Variants in OSBPL10 observed in about 807,000 individuals in gnomAD.
The protein encoded by OSBPL10 is oxysterol binding protein like 10, also known as oxysterol-binding protein-related protein 10.
Under a neutral mutation model 81.7 loss-of-function variants are expected in OSBPL10, and 49 were observed. The ratio of observed to expected loss-of-function variants is 0.60; its 90% confidence interval spans 0.48 to 0.76. OSBPL10 has a LOEUF of 0.76. OSBPL10 is among the 30% of genes least tolerant of loss of function. The pLI, the probability that OSBPL10 is intolerant of heterozygous loss-of-function variation, is 0.00. For missense variants in OSBPL10, 923 were observed against 987.8 expected, an observed-to-expected ratio of 0.93 and a Z score of 0.88; for synonymous variants, 419 against 383.6, an observed-to-expected ratio of 1.09 and a Z score of -1.08.
intron 6 of OSBPL10, among the ~76,000 whole-genome samples, chr3:31,705,649 A>G (rs926684357): frequency 2.6e-5 from 4 of 152,164 alleles, no homozygotes; most frequent in African/African-American, 9.7e-5. Flanking sequence ...AGAGATGGAT[A>G]ATTATCATCC....
intron 1 of OSBPL10, among the ~76,000 whole-genome samples, chr3:31,903,473 C>CG (rs1488459653): frequency 6.6e-6 from 1 of 151,960 alleles, no homozygotes; most frequent in Non-Finnish European, 1.5e-5. Flanking sequence ...GGACCACAGG[C>CG]CATACCACAC....
chr3:32,059,864 A>T (rs1364254287), intron 1 of OSBPL10, among the ~76,000 whole-genome samples: 1 of 151,914 alleles, frequency 6.6e-6, no homozygotes, highest in Non-Finnish European at 1.5e-5. Flanking sequence ...GTGAGCCAAG[A>T]CTGCACCACT....
chr3:31,733,687 T>A (rs920570058), intron 5 of OSBPL10, among the ~76,000 whole-genome samples: 1 of 37,742 alleles, frequency 2.6e-5, no homozygotes. Context: ...ATAAAGGTGT[T>A]TTTTTTTTTT....
chr3:32,031,503 C>A (rs934310142), intron 2 of OSBPL10, among the ~76,000 whole-genome samples: 2 of 151,844 alleles, frequency 1.3e-5, no homozygotes, highest in African/African-American at 4.8e-5. Context: ...ACTCTGTCAC[C>A]CCAGCTGGAG....
At chr3:31,829,948 A>T in intron 4 of OSBPL10, 92 bp downstream of exon 4, 1 of 1,302,538 alleles carries the variant, frequency 7.7e-7, no homozygotes, top group South Asian at 1.6e-5. Context: ...TCCATAAATC[A>T]AGACGGCGCA....
rs1406734671 is a variant in OSBPL10 at position 31,789,117 on chromosome 3, T to G, written c.729+40923A>C. 2.0e-5 allele frequency among the ~76,000 whole-genome samples: 3 copies of G among 152,196 alleles called. No individual in the cohort carries two copies. The East Asian group carries it at 5.8e-4, about 29-fold the overall frequency. On this transcript the variant is annotated intron_variant, in intron 4 of 11. Coordinates refer to ENST00000396556, the MANE Select transcript of OSBPL10 (RefSeq NM_017784.5). Reference sequence around the variant, plus strand: ...CCTCAACCTCCTAAGTCACAGCGATTACAGGCGCATGCCACCACGCCCAGC... The same window carrying G: ...CCTCAACCTCCTAAGTCACAGCGATGACAGGCGCATGCCACCACGCCCAGC...
chr3:31,797,837 T>C (rs1468087191), intron 4 of OSBPL10: 2 of 455,376 alleles, frequency 4.4e-6, no homozygotes, highest in Non-Finnish European at 8.8e-6. Context: ...CATACAAGCC[T>C]TCACCTATAA....
intron 1 of OSBPL10, among the ~76,000 whole-genome samples, chr3:31,940,646 T>C (rs190177780): frequency 6.6e-6 from 1 of 152,298 alleles, no homozygotes; most frequent in Admixed American, 6.5e-5. Flanking sequence ...CCTGCTCTCA[T>C]ACTGAAGTTC....
chr3:31,789,137 C>T (rs1698943567), intron 4 of OSBPL10, among the ~76,000 whole-genome samples: 1 of 152,280 alleles, frequency 6.6e-6, no homozygotes, highest in South Asian at 2.1e-4. Context: ...TGCCACCACG[C>T]CCAGCTAATT....
chr3:31,798,558 A>G lies in OSBPL10; in HGVS notation c.729+31482T>C, dbSNP rs182183312. 8.6e-4 allele frequency among the ~76,000 whole-genome samples: 131 copies of G among 152,250 alleles called. 1 individual carries two copies. The highest frequency in any genetic ancestry group is 1.6e-3 in the Non-Finnish European group (111 of 68,008). ...ATAATATTTTGGATATGAGTTAAAT[A>G]AAATATATTATTAAAATTAATTTTA... On this transcript the variant is annotated intron_variant, in intron 4 of 11. Transcript: ENST00000396556.
intron 6 of OSBPL10, among the ~76,000 whole-genome samples, chr3:31,711,723 G>C (rs1696258724): frequency 6.6e-6 from 1 of 152,154 alleles, no homozygotes; most frequent in Admixed American, 6.5e-5. Context: ...GACAGCTAAA[G>C]GGTCCAGGGC....
chr3:31,863,616 T>C (rs1701108882), intron 3 of OSBPL10, among the ~76,000 whole-genome samples: 1 of 152,242 alleles, frequency 6.6e-6, no homozygotes, highest in South Asian at 2.1e-4. Context: ...GTACTTAGCA[T>C]AGTATCTGCC....
At chr3:31,826,763 C>T (rs1191959554) in intron 4 of OSBPL10, among the ~76,000 whole-genome samples, 1 of 152,174 alleles carries the variant, frequency 6.6e-6, no homozygotes, top group Non-Finnish European at 1.5e-5. Context: ...ACTATGAGTG[C>T]AATTTGCTCG....
chr3:31,957,142 AAAAAATAAAT>A (rs1161294844), intron 1 of OSBPL10, among the ~76,000 whole-genome samples: 10 of 152,072 alleles, frequency 6.6e-5, no homozygotes, highest in East Asian at 3.9e-4. Flanking sequence ...CTCAAAAAAT[AAAAAATAAAT>A]AAAAATAAAT....
intron 1 of OSBPL10, among the ~76,000 whole-genome samples, chr3:31,965,853 GAT>G (rs1698375790): frequency 1.9e-5 from 1 of 52,934 alleles, no homozygotes; most frequent in Non-Finnish European, 3.2e-5. Context: ...TATATAAAAA[GAT>G]AATATATAAT....
intron 1 of OSBPL10, among the ~76,000 whole-genome samples, chr3:31,910,613 G>C (rs1216407118): frequency 1.3e-5 from 2 of 151,782 alleles, no homozygotes; most frequent in African/African-American, 2.4e-5. Flanking sequence ...TCCAGTCTGG[G>C]GGACAGAGTG....
At chr3:31,870,043 A>G (rs1442918150) in intron 3 of OSBPL10, among the ~76,000 whole-genome samples, 1 of 152,158 alleles carries the variant, frequency 6.6e-6, no homozygotes, top group Non-Finnish European at 1.5e-5. Context: ...CCTTCAGCCC[A>G]CCGCTGCACT....
chr3:31,730,581 CATTT>C (rs1474902900), intron 6 of OSBPL10, among the ~76,000 whole-genome samples: 12 of 152,172 alleles, frequency 7.9e-5, no homozygotes, highest in African/African-American at 2.9e-4. Flanking sequence ...TTCATTTTCA[CATTT>C]AGTTAGTTCT....
intron 6 of OSBPL10, among the ~76,000 whole-genome samples, chr3:31,721,837 A>C (rs950758621): frequency 1.3e-5 from 2 of 152,258 alleles, no homozygotes; most frequent in Non-Finnish European, 2.9e-5. Context: ...TGAGCTGGAC[A>C]TTAGCGATAT....
Sources: allele counts gnomAD v4.1 joint callset (sites outside exome capture counted in the v4.1 genomes callset), GRCh38; gene constraint gnomAD v4.1.1; transcripts MANE v1.5; gene names NCBI Gene and HGNC (gene_info 2026-07-23, HGNC 2026-07-21).